The following OR1L8 variants were observed in gnomAD, a reference collection of about 807,000 sequenced individuals.
OR1L8 encodes the protein olfactory receptor 1L8.
For synonymous variants in OR1L8, 148 were observed against 147.0 expected, an observed-to-expected ratio of 1.01 and a Z score of -0.05; for missense variants, 330 against 377.4, an observed-to-expected ratio of 0.87 and a Z score of 1.04.
At chr9:122,554,161 G>T in the OR1L8 span, 3 of 1,607,512 alleles carry the variant, frequency 1.9e-6, no homozygotes, top group South Asian at 2.2e-5. Flanking sequence ...TTCTTTTTAT[G>T]ATTAGACATC....
intron 1 of OR1L8, among the ~76,000 whole-genome samples, chr9:122,581,273 C>G (rs1045650519): frequency 6.6e-6 from 1 of 151,688 alleles, no homozygotes; most frequent in Non-Finnish European, 1.5e-5. Context: ...GGCTGAGGCA[C>G]AAGAATCTCT....
the OR1L8 span, among the ~76,000 whole-genome samples, chr9:122,549,384 C>T: frequency 3.3e-5 from 5 of 152,104 alleles, no homozygotes; most frequent in African/African-American, 1.2e-4. Flanking sequence ...AACCTCTTTT[C>T]CTTATAAATT....
At chr9:122,582,544 T>G (rs1829750213) in intron 1 of OR1L8, among the ~76,000 whole-genome samples, 1 of 148,576 alleles carries the variant, frequency 6.7e-6, no homozygotes, top group Non-Finnish European at 1.5e-5. Context: ...AGCAAGATCT[T>G]ATCTCTGCAC....
the OR1L8 span, among the ~76,000 whole-genome samples, chr9:122,552,749 A>AGAGTGTGTGTGT: frequency 7.7e-6 from 1 of 129,662 alleles, no homozygotes; most frequent in Non-Finnish European, 1.6e-5. Context: ...AGAGGGCTTG[A>AGAGTGTGTGTGT]GTGTGTGTGT....
the OR1L8 span, among the ~76,000 whole-genome samples, chr9:122,548,589 TTA>T: frequency 6.6e-6 from 1 of 151,172 alleles, no homozygotes; most frequent in Non-Finnish European, 1.5e-5. Context: ...TTTAAAATTT[TTA>T]TATATATATA....
chr9:122,576,171 A>G (rs1421117070), intron 3 of OR1L8, among the ~76,000 whole-genome samples: 2 of 150,814 alleles, frequency 1.3e-5, no homozygotes, highest in African/African-American at 4.8e-5. Context: ...GAGTACAGAA[A>G]GTATATACAT....
rs756695291 is a variant in OR1L8 at position 122,567,505 on chromosome 9, A to AG, written c.*42dup. 3 of 1,404,134 alleles carry AG rather than the reference A, an allele frequency of 2.1e-6. No individual in the cohort carries two copies. The Middle Eastern group carries it at 5.5e-4, about 258-fold the overall frequency. 87.0% of individuals were successfully genotyped at this position (1,404,134 alleles called of 1,614,324 possible). A position where few individuals can be genotyped will look rare whatever the true frequency, so the allele number is the denominator to read the frequency against. ...CAGAAACCAGTAGAAAACACGTCCA[A>AG]GTTGAGCAGATTCCACTTACGAGTT... is the stretch of plus-strand genomic sequence containing the variant. On this transcript the variant is annotated 3_prime_UTR_variant, in exon 5 of 5. Coordinates refer to ENST00000641027, the MANE Select transcript of OR1L8 (RefSeq NM_001004454.2).
At chr9:122,553,924 G>A in the OR1L8 span, 1 of 1,613,914 alleles carries the variant, frequency 6.2e-7, no homozygotes, top group Admixed American at 1.7e-5. Context: ...GGAGGGAGAT[G>A]GAAGGCCTTC....
Position 122,568,594 on chromosome 9 carries a change from C to T in OR1L8, c.-117G>A. 1.5e-6 allele frequency: 1 copy of T among 654,236 alleles called. No individual in the cohort carries two copies. The highest frequency in any genetic ancestry group is 2.1e-5 in the South Asian group (1 of 47,970). 40.5% of individuals were successfully genotyped at this position (654,236 alleles called of 1,614,324 possible). Reference sequence around the variant, plus strand: ...TCTTCTGTTTGGTCACAATTAGCTACTGTGCTAATTGTGGGATGGCTTGTT... The same window carrying T: ...TCTTCTGTTTGGTCACAATTAGCTATTGTGCTAATTGTGGGATGGCTTGTT... On this transcript the variant is annotated 5_prime_UTR_variant, in exon 5 of 5. Coordinates refer to ENST00000641027, the MANE Select transcript of OR1L8 (RefSeq NM_001004454.2).
chr9:122,572,018 T>A (rs1387753998), intron 4 of OR1L8, among the ~76,000 whole-genome samples: 2 of 152,268 alleles, frequency 1.3e-5, no homozygotes, highest in East Asian at 3.9e-4. Flanking sequence ...TCAGGAAACT[T>A]TTATTCATGG....
chr9:122,567,959 A>G lies in OR1L8; in HGVS notation c.519T>C (p.Asn173=), dbSNP rs1049443094. 2.5e-6 allele frequency: 4 copies of G among 1,614,086 alleles called. No individual in the cohort carries two copies. The African/African-American group carries it at 4.0e-5, about 16-fold the overall frequency. ...LLNRLTFCDS[N]VIHHFLCDLS... ...GGTCACAGAGAAAGTGGTGGATAAC[A>G]TTGGAGTCACAGAAGGTGAGACGAT... Residue 173 remains asparagine (N), a synonymous_variant, in exon 5 of 5, where the codon AAT becomes AAC. Transcript: ENST00000641027.
rs769991927 is a variant in OR1L8 at position 122,567,712 on chromosome 9, T to C, written c.766A>G (p.Ile256Val). The C allele has an allele frequency of 6.2e-7, 1 of 1,614,074 alleles. No homozygotes were observed. The highest frequency in any genetic ancestry group is 1.1e-5 in the South Asian group (1 of 91,048). Residue 256 changes from isoleucine (I) to valine (V), a missense_variant, in exon 5 of 5, where the codon ATC (isoleucine) becomes GTC (valine). Physicochemically the swap from Ile to Val is conservative, Grantham distance 29. Coordinates refer to ENST00000641027, the MANE Select transcript of OR1L8 (RefSeq NM_001004454.2). ...GGGGGCTGTAAATAGACACAGAAGATGCTTCCATAAAAGAGCGTCACCACG... is the reference window on the plus strand; with the variant it reads ...GGGGGCTGTAAATAGACACAGAAGACGCTTCCATAAAAGAGCGTCACCACG... ...LTVVTLFYGS[I>V]FCVYLQPPST...
intron 4 of OR1L8, among the ~76,000 whole-genome samples, chr9:122,568,926 T>C (rs1411265): frequency 0.58 from 88,361 of 151,902 alleles, 26,212 homozygotes; most frequent in East Asian, 0.97. Context: ...CAAAATAAAA[T>C]AGTATTAGAA....
In OR1L8 at chr9:122,568,429, C is replaced by T. The variant is rs1829479251; in HGVS notation, c.49G>A (p.Gly17Arg). The T allele has an allele frequency of 7.4e-6, 12 of 1,611,692 alleles. No homozygotes were observed. Among genetic ancestry groups the T allele is most frequent in the Non-Finnish European group, 1.0e-5 (12 of 1,178,612 alleles). ...TGGTCCTCAGGCCGGGAGGAGAGTC[C>T]CAGGAGGATAAACTCGGAGACACTG... ...TSSVSEFILLGLSSRPEDQKT... is the reference protein window; with the variant it reads ...TSSVSEFILLRLSSRPEDQKT... Residue 17 changes from glycine (G) to arginine (R), a missense_variant, in exon 5 of 5, where the codon GGA becomes AGA. Gly to Arg is a moderately radical substitution (Grantham distance 125). Coordinates refer to ENST00000641027, the MANE Select transcript of OR1L8 (RefSeq NM_001004454.2).
chr9:122,570,413 C>T (rs2118721489), intron 4 of OR1L8, among the ~76,000 whole-genome samples: 1 of 152,288 alleles, frequency 6.6e-6, no homozygotes, highest in East Asian at 1.9e-4. Flanking sequence ...AGAATTTTCA[C>T]ATATTTTTAA....
At chr9:122,559,037 C>A in the OR1L8 span, among the ~76,000 whole-genome samples, 1 of 152,022 alleles carries the variant, frequency 6.6e-6, no homozygotes, top group Admixed American at 6.6e-5. Context: ...CAACATCTGT[C>A]ATTTCTTTGA....
the OR1L8 span, chr9:122,554,102 C>A: frequency 6.2e-7 from 1 of 1,613,650 alleles, no homozygotes; most frequent in South Asian, 1.1e-5. Flanking sequence ...GCTTGAGGAA[C>A]AGAGACATGA....
At chr9:122,551,515 A>G in the OR1L8 span, among the ~76,000 whole-genome samples, 1 of 152,296 alleles carries the variant, frequency 6.6e-6, no homozygotes, top group African/African-American at 2.4e-5. Flanking sequence ...TTCTTCTTCA[A>G]TGCAGTTTTA....
intron 1 of OR1L8, among the ~76,000 whole-genome samples, chr9:122,580,360 AC>A (rs1164600786): frequency 6.6e-6 from 1 of 152,250 alleles, no homozygotes; most frequent in Non-Finnish European, 1.5e-5. Flanking sequence ...AGGATGGCAC[AC>A]TAGAATGCGG....
Sources: gnomAD v4.1 joint callset for allele counts (sites outside exome capture counted in the v4.1 genomes callset) on GRCh38, gnomAD v4.1.1 for gene constraint, MANE v1.5 for transcripts, NCBI Gene and HGNC (gene_info 2026-07-23, HGNC 2026-07-21) for gene names.